NCK1: variants seen among roughly 807,000 people sequenced by gnomAD.
The protein encoded by NCK1 is NCK adaptor protein 1.
Under a neutral mutation model 36.6 loss-of-function variants are expected in NCK1, and 19 were observed. The observed-to-expected ratio is 0.52, with a 90% CI of 0.36 to 0.76. NCK1 has a LOEUF of 0.76. Ranked by LOEUF, NCK1 falls within the 30% of genes least tolerant of loss-of-function variation. NCK1 has a pLI of 0.00. For missense variants in NCK1, 358 were observed against 445.6 expected (o/e 0.80, Z 1.77); for synonymous variants, 165 against 156.0 (o/e 1.06, Z -0.43).
chr3:136,946,339 T>C, intron 3 of NCK1, 44 bp downstream of exon 3: 1 of 1,488,646 alleles, frequency 6.7e-7, no homozygotes, highest in Non-Finnish European at 9.1e-7. Flanking sequence ...GCTCTGGGTA[T>C]TTTAAAAAAA....
chr3:136,895,009 G>A (rs1939353552), intron 1 of NCK1, among the ~76,000 whole-genome samples: 1 of 152,058 alleles, frequency 6.6e-6, no homozygotes, highest in Non-Finnish European at 1.5e-5. Context: ...CCAAGTAGCT[G>A]GGATTACAGG....
In NCK1 at chr3:136,932,896, T is replaced by TA. The variant is rs546435149; in HGVS notation, c.226+4670dup. ...TTTCTTTGGCCCCATTCTCAACACTTACTCAGTGATACAGGTGAAGGAAAA... is the reference window on the plus strand; with the variant it reads ...TTTCTTTGGCCCCATTCTCAACACTTAACTCAGTGATACAGGTGAAGGAAAA... On this transcript the variant is annotated intron_variant, in intron 2 of 3. Transcript: ENST00000481752. 9.7e-4 allele frequency among the ~76,000 whole-genome samples: 148 copies of TA among 152,348 alleles called. 1 individual carries two copies. The highest frequency in any genetic ancestry group is 3.5e-3 in the African/African-American group (145 of 41,588).
chr3:136,943,804 G>T (rs1940737550), intron 2 of NCK1, among the ~76,000 whole-genome samples: 1 of 152,176 alleles, frequency 6.6e-6, no homozygotes, highest in Non-Finnish European at 1.5e-5. Flanking sequence ...GGTTAGAGGA[G>T]CCTAGACAGA....
intron 2 of NCK1, among the ~76,000 whole-genome samples, chr3:136,942,405 G>A (rs1940701883): frequency 6.6e-6 from 1 of 152,120 alleles, no homozygotes; most frequent in African/African-American, 2.4e-5. Flanking sequence ...TGGTCATGTG[G>A]GGCCGCTGAA....
chr3:136,945,011 A>G (rs185144230), intron 2 of NCK1, among the ~76,000 whole-genome samples: 73 of 152,340 alleles, frequency 4.8e-4, no homozygotes, highest in African/African-American at 1.7e-3. Flanking sequence ...GTAAGGGGAG[A>G]AAAACAAATA....
intron 1 of NCK1, among the ~76,000 whole-genome samples, chr3:136,919,625 C>A (rs879463207): frequency 2.6e-5 from 4 of 152,138 alleles, no homozygotes; most frequent in African/African-American, 4.8e-5. Context: ...CACCTGAAAA[C>A]ATGTTCTTTC....
intron 1 of NCK1, among the ~76,000 whole-genome samples, chr3:136,912,446 C>T (rs546533455): frequency 1.4e-4 from 21 of 151,166 alleles, no homozygotes; most frequent in African/African-American, 5.1e-4. Context: ...TGTGTGTGTT[C>T]GTTCTCTTGA....
chr3:136,937,239 A>G (rs1273700392), intron 2 of NCK1, among the ~76,000 whole-genome samples: 1 of 152,112 alleles, frequency 6.6e-6, no homozygotes, highest in African/African-American at 2.4e-5. Flanking sequence ...CCATTGAGTG[A>G]TCTTGGCACC....
chr3:136,951,555 T>C lies in NCK1; in HGVS notation c.*3102T>C, dbSNP rs561313774. On this transcript the variant is annotated 3_prime_UTR_variant, in exon 4 of 4. Coordinates refer to ENST00000481752, the MANE Select transcript of NCK1 (RefSeq NM_001291999.2). ...GTCCTCTTATCTTTACCAGTGCACA[T>C]GGTGAAAAAATTCAAACAGTATAAT... Among the ~76,000 whole-genome samples, 111 of 152,276 alleles carry C rather than the reference T, an allele frequency of 7.3e-4. No homozygotes were observed. Among genetic ancestry groups the C allele is most frequent in the Admixed American group, 7.2e-4 (11 of 15,294 alleles).
intron 1 of NCK1, among the ~76,000 whole-genome samples, chr3:136,904,595 A>AT (rs926666810): frequency 2.0e-5 from 3 of 152,010 alleles, no homozygotes; most frequent in Non-Finnish European, 4.4e-5. Flanking sequence ...TGTGTATTTG[A>AT]TTTTTTGACA....
rs1020956526 is a variant in NCK1 at position 136,950,590 on chromosome 3, A to T, written c.*2137A>T. Among the ~76,000 whole-genome samples the T allele has an allele frequency of 1.3e-5, 2 of 152,168 alleles. No homozygotes were observed. The highest frequency in any genetic ancestry group is 2.9e-5 in the Non-Finnish European group (2 of 68,012). ...GCTTATACCAGTGACTGTTTTTATAATACTTGAAGTAACTTTAAGAACTGA... is the reference window on the plus strand; with the variant it reads ...GCTTATACCAGTGACTGTTTTTATATTACTTGAAGTAACTTTAAGAACTGA... On this transcript the variant is annotated 3_prime_UTR_variant, in exon 4 of 4. Coordinates refer to ENST00000481752, the MANE Select transcript of NCK1 (RefSeq NM_001291999.2).
chr3:136,941,116 C>CTT (rs34776608), intron 2 of NCK1, among the ~76,000 whole-genome samples: 1 of 100,094 alleles, frequency 1.0e-5, no homozygotes, highest in Non-Finnish European at 2.0e-5. Flanking sequence ...ATTTCTTTTT[C>CTT]TTTTTTTTTT....
chr3:136,875,661 G>C (rs1938746126), intron 1 of NCK1, among the ~76,000 whole-genome samples: 2 of 150,754 alleles, frequency 1.3e-5, no homozygotes, highest in Middle Eastern at 3.4e-3. Flanking sequence ...AGCAAGTCCT[G>C]AGTGACCTAC....
chr3:136,894,988 G>A (rs771258290), intron 1 of NCK1, among the ~76,000 whole-genome samples: 3 of 152,016 alleles, frequency 2.0e-5, no homozygotes, highest in Non-Finnish European at 4.4e-5. Context: ...CAGTTCTCCT[G>A]CCTCAGCCTC....
intron 2 of NCK1, among the ~76,000 whole-genome samples, chr3:136,940,330 T>A (rs1940639204): frequency 6.6e-6 from 1 of 152,246 alleles, no homozygotes; most frequent in Admixed American, 6.5e-5. Flanking sequence ...ATTTCCTTAA[T>A]GATTTTTCAT....
intron 1 of NCK1, chr3:136,867,426 T>G (rs1938483694): frequency 6.8e-6 from 1 of 146,244 alleles, no homozygotes; most frequent in African/African-American, 2.6e-5. Flanking sequence ...TTTTTTTTTT[T>G]GTAGAGATAG....
At chr3:136,931,741 A>G (rs1940396056) in intron 2 of NCK1, among the ~76,000 whole-genome samples, 1 of 152,216 alleles carries the variant, frequency 6.6e-6, no homozygotes, top group Admixed American at 6.5e-5. Flanking sequence ...GTATATGATG[A>G]TTGTTATTAA....
At chr3:136,899,460 A>G (rs1285420551) in intron 1 of NCK1, 2 of 291,100 alleles carry the variant, frequency 6.9e-6, no homozygotes, top group South Asian at 5.0e-5. Context: ...ACTTTTTCTC[A>G]TAGAGGAGTC....
chr3:136,890,474 C>T (rs1014342266), intron 1 of NCK1, among the ~76,000 whole-genome samples: 3 of 152,342 alleles, frequency 2.0e-5, no homozygotes, highest in Admixed American at 6.5e-5. Flanking sequence ...CTGAAGGGCT[C>T]CTCAAGTGCT....
Sources: allele counts gnomAD v4.1 joint callset (sites outside exome capture counted in the v4.1 genomes callset), GRCh38; gene constraint gnomAD v4.1.1; transcripts MANE v1.5; gene names NCBI Gene and HGNC (gene_info 2026-07-23, HGNC 2026-07-21).